The following APP variants were observed in gnomAD, a reference collection of about 807,000 sequenced individuals.
The protein encoded by APP is amyloid-beta precursor protein.
A neutral mutation model predicts 101.4 loss-of-function variants in APP; 31 were observed. The observed-to-expected ratio is 0.31, with a 90% confidence interval of 0.23 to 0.41. APP has a LOEUF of 0.41. Ranked by LOEUF, APP falls within the 10% of genes least tolerant of loss-of-function variation. The pLI is 1.00. For synonymous variants in APP, 366 were observed against 364.4 expected (o/e 1.00, Z -0.05); for missense variants, 839 against 1,003.7 (o/e 0.84, Z 2.22).
At chr21:26,137,803 T>A (rs2062953115) in intron 1 of APP, among the ~76,000 whole-genome samples, 1 of 152,152 alleles carries the variant, frequency 6.6e-6, no homozygotes, top group African/African-American at 2.4e-5. Flanking sequence ...TGGTTACTCA[T>A]CCTAGAGATT....
At chr21:26,166,807 A>C (rs2063620922) in intron 1 of APP, among the ~76,000 whole-genome samples, 1 of 151,650 alleles carries the variant, frequency 6.6e-6, no homozygotes, top group African/African-American at 2.4e-5. Flanking sequence ...TTGACCTCTC[A>C]ACTCCTTATT....
chr21:25,911,479 G>A (rs1029496235), intron 14 of APP, among the ~76,000 whole-genome samples: 14 of 152,180 alleles, frequency 9.2e-5, no homozygotes, highest in African/African-American at 3.4e-4. Flanking sequence ...TGGAGTTGTT[G>A]TCTTTTCCAA....
At chr21:25,904,883 A>G (rs1243608684) in intron 15 of APP, 141 bp downstream of exon 15, 8 of 746,346 alleles carry the variant, frequency 1.1e-5, no homozygotes, top group Non-Finnish European at 1.9e-5. Context: ...GGAATTTTTA[A>G]AAGTTTGGTT....
rs377557647 is a variant in APP, at chr21:26,111,727, G to GA, written c.225+251dup. ...ACTCCAACCTGGGTGACAGAGTGAGGAAAAAAAAAAGTGCTGTGACATCTT... is the reference window on the plus strand; with the variant it reads ...ACTCCAACCTGGGTGACAGAGTGAGGAAAAAAAAAAAGTGCTGTGACATCTT... On this transcript the variant is annotated intron_variant, in intron 2 of 17. Coordinates refer to ENST00000346798, the MANE Select transcript of APP (RefSeq NM_000484.4). Among the ~76,000 whole-genome samples the GA allele has an allele frequency of 9.3e-3, 1,370 of 147,582 alleles. 23 individuals are homozygous for GA. Among genetic ancestry groups the GA allele is most frequent in the African/African-American group, 0.031 (1,239 of 40,370 alleles).
At chr21:25,897,503 G>T in intron 16 of APP, 70 bp downstream of exon 16, 1 of 1,139,880 alleles carries the variant, frequency 8.8e-7, no homozygotes, top group Non-Finnish European at 1.3e-6. Flanking sequence ...TCTAGCACAG[G>T]ATGAACCAGA....
At chr21:26,130,438 C>G (rs796349666) in intron 1 of APP, among the ~76,000 whole-genome samples, 1 of 152,366 alleles carries the variant, frequency 6.6e-6, no homozygotes, top group Non-Finnish European at 1.5e-5. Context: ...CTGCAGGAAA[C>G]AGCAAGGCCA....
At chr21:25,948,955 G>C (rs1014918350) in intron 13 of APP, among the ~76,000 whole-genome samples, 3 of 152,158 alleles carry the variant, frequency 2.0e-5, no homozygotes, top group Non-Finnish European at 4.4e-5. Flanking sequence ...CTGAAATAAT[G>C]ATTCCATCGT....
At position 25,982,424 on chromosome 21, in the gene APP, G is replaced by C. The variant is rs752243493; in HGVS notation, c.1144C>G (p.Pro382Ala). 6.2e-7 allele frequency: 1 copy of C among 1,613,626 alleles called. No individual in the cohort carries two copies. Among genetic ancestry groups the C allele is most frequent in the Non-Finnish European group, 8.5e-7 (1 of 1,179,686 alleles). Residue 382 changes from proline to alanine, a missense_variant, in exon 9 of 18, where the codon CCT (proline) becomes GCT (alanine). Coordinates refer to ENST00000346798, the MANE Select transcript of APP (RefSeq NM_000484.4). ...PDAVDKYLET[P>A]GDENEHAHFQ... is the part of the protein sequence containing the mutation. The stretch of plus-strand genomic sequence containing the variant: ...TGGGCATGTTCATTCTCATCCCCAG[G>C]TGTCTCGAGATACTTGTCAACGGCA...
intron 11 of APP, among the ~76,000 whole-genome samples, chr21:25,966,818 C>A (rs1452467125): frequency 1.3e-5 from 2 of 152,172 alleles, no homozygotes; most frequent in Non-Finnish European, 2.9e-5. Flanking sequence ...CACCAACACC[C>A]ACATTGGTTA....
At position 25,923,333 on chromosome 21, in the gene APP, G is replaced by A. The variant is rs1318580477; in HGVS notation, c.1688-11371C>T. 2.7e-5 allele frequency among the ~76,000 whole-genome samples: 4 copies of A among 148,762 alleles called. No homozygotes were observed. The South Asian group carries it at 6.3e-4, about 23-fold the overall frequency. ...ACATAGGCGTGGGCAAGGACTTCAC[G>A]TCCAAAACACCAAAAGCAATGGCAA... On this transcript the variant is annotated intron_variant, in intron 13 of 17. Transcript: ENST00000346798.
At chr21:26,013,266 G>C (rs1568855204) in intron 6 of APP, among the ~76,000 whole-genome samples, 1 of 152,180 alleles carries the variant, frequency 6.6e-6, no homozygotes, top group Non-Finnish European at 1.5e-5. Context: ...GCAGTGAGCC[G>C]AGATCGCGCC....
intron 6 of APP, among the ~76,000 whole-genome samples, chr21:26,019,783 C>T (rs1293400343): frequency 2.0e-5 from 3 of 152,226 alleles, no homozygotes; most frequent in East Asian, 3.8e-4. Flanking sequence ...ATTTAGGTTT[C>T]GAGAAGAGAA....
chr21:25,897,282 T>G (rs1458893046), intron 16 of APP, among the ~76,000 whole-genome samples: 2 of 151,854 alleles, frequency 1.3e-5, no homozygotes, highest in African/African-American at 4.8e-5. Flanking sequence ...CCAGCTAATC[T>G]TTTTTGTATT....
rs553585256 is a variant in APP, at chr21:26,100,079, G to C, written c.226-10007C>G. Among the ~76,000 whole-genome samples the C allele has an allele frequency of 3.9e-5, 6 of 152,274 alleles. 1 individual carries two copies. Among genetic ancestry groups the C allele is most frequent in the African/African-American group, 1.2e-4 (5 of 41,574 alleles). The stretch of plus-strand genomic sequence containing the variant: ...ATTGTGGGTGGGAGGGAAGAGATGG[G>C]AGAGAAATAAAAATAAATAGGACAG... On this transcript the variant is annotated intron_variant, in intron 2 of 17. Coordinates refer to ENST00000346798, the MANE Select transcript of APP (RefSeq NM_000484.4).
At chr21:26,026,853 GA>G (rs1568876205) in intron 5 of APP, among the ~76,000 whole-genome samples, 2 of 152,212 alleles carry the variant, frequency 1.3e-5, no homozygotes, top group Non-Finnish European at 2.9e-5. Flanking sequence ...GACTTTGGGT[GA>G]TAATAATGGT....
At chr21:25,888,647 T>G (rs942849240) in intron 17 of APP, among the ~76,000 whole-genome samples, 6 of 152,204 alleles carry the variant, frequency 3.9e-5, no homozygotes, top group African/African-American at 1.4e-4. Context: ...TGAACAGCCA[T>G]CCTTCCCGAT....
chr21:26,103,421 T>C (rs2062108573), intron 2 of APP, among the ~76,000 whole-genome samples: 1 of 151,730 alleles, frequency 6.6e-6, no homozygotes. Context: ...GCCAACATGG[T>C]GAAACCCCAT....
intron 1 of APP, among the ~76,000 whole-genome samples, chr21:26,148,290 G>A (rs1194623468): frequency 6.6e-6 from 1 of 152,216 alleles, no homozygotes; most frequent in African/African-American, 2.4e-5. Context: ...GCTGGTCCAA[G>A]CAGCCAAGGC....
At chr21:26,144,522 T>G (rs116230269) in intron 1 of APP, among the ~76,000 whole-genome samples, 1 of 152,304 alleles carries the variant, frequency 6.6e-6, no homozygotes, top group African/African-American at 2.4e-5. Flanking sequence ...TAAATAGTTA[T>G]AAAAACATTA....
Sources: allele counts gnomAD v4.1 joint callset (sites outside exome capture counted in the v4.1 genomes callset), GRCh38; gene constraint gnomAD v4.1.1; transcripts MANE v1.5; gene names NCBI Gene and HGNC (gene_info 2026-07-23, HGNC 2026-07-21).